Variants in ADAM32 observed in about 807,000 individuals in gnomAD.
ADAM32 encodes the protein ADAM metallopeptidase domain 32.
Under a neutral mutation model 114.9 loss-of-function variants are expected in ADAM32, and 89 were observed. That is an observed-to-expected ratio of 0.77 (90% confidence interval 0.65 to 0.92). ADAM32 has a LOEUF of 0.92. Among genes scored for constraint, ADAM32 ranks in the 40% least tolerant of loss-of-function variants. The pLI is 0.00. For missense variants in ADAM32, 870 were observed against 932.8 expected, an observed-to-expected ratio of 0.93 and a Z score of 0.88; for synonymous variants, 285 against 307.5, an observed-to-expected ratio of 0.93 and a Z score of 0.77.
intron 2 of ADAM32, among the ~76,000 whole-genome samples, chr8:39,128,774 A>G (rs1273243013): frequency 6.6e-6 from 1 of 152,130 alleles, no homozygotes; most frequent in Admixed American, 6.5e-5. Context: ...TCAGTTATGC[A>G]GCTTAGTTTG....
intron 11 of ADAM32, among the ~76,000 whole-genome samples, chr8:39,191,059 C>A (rs1204353545): frequency 6.6e-6 from 1 of 152,158 alleles, no homozygotes; most frequent in Non-Finnish European, 1.5e-5. Flanking sequence ...CCAGCTCCAT[C>A]CATCGTCCTG....
Position 39,236,602 on chromosome 8 carries a change from A to G in ADAM32, c.1818+2520A>G, listed in dbSNP as rs1585611765. On this transcript the variant is annotated intron_variant, in intron 16 of 24. Transcript: ENST00000379907. ...CCTACTCCCCCACAAAACCTGTACC[A>G]CTGTGCATAACCTACATCAGCGTGG... Among the ~76,000 whole-genome samples the G allele has an allele frequency of 2.0e-5, 3 of 152,256 alleles. No homozygotes were observed. In the South Asian group the frequency reaches 6.2e-4, roughly 32 times the overall value.
At chr8:39,109,564 A>T (rs184414449) in intron 1 of ADAM32, among the ~76,000 whole-genome samples, 96 of 152,260 alleles carry the variant, frequency 6.3e-4, no homozygotes, top group Admixed American at 1.6e-3. Flanking sequence ...TAAAATAAAA[A>T]AAAAATATTA....
At chr8:39,252,136 A>T (rs1203864875) in intron 17 of ADAM32, among the ~76,000 whole-genome samples, 1 of 151,792 alleles carries the variant, frequency 6.6e-6, no homozygotes, top group African/African-American at 2.4e-5. Flanking sequence ...GTATAACTTG[A>T]AGTCAGATAA....
intron 16 of ADAM32, among the ~76,000 whole-genome samples, chr8:39,244,726 G>A (rs577769822): frequency 2.8e-4 from 42 of 152,270 alleles, no homozygotes; most frequent in Middle Eastern, 3.4e-3. Flanking sequence ...GGGAGGGATA[G>A]CATTAGGATA....
At chr8:39,261,097 T>A (rs566533753) in intron 19 of ADAM32, among the ~76,000 whole-genome samples, 1 of 152,194 alleles carries the variant, frequency 6.6e-6, no homozygotes, top group Non-Finnish European at 1.5e-5. Context: ...TCCTTCTAGC[T>A]ATTTGAAACT....
chr8:39,185,554 C>T (rs1042241560), intron 10 of ADAM32, among the ~76,000 whole-genome samples: 9 of 152,268 alleles, frequency 5.9e-5, no homozygotes, highest in African/African-American at 1.7e-4. Context: ...CACTTTTTCA[C>T]CATACAGTAT....
intron 10 of ADAM32, among the ~76,000 whole-genome samples, chr8:39,179,000 T>C (rs1284071764): frequency 6.6e-6 from 1 of 152,166 alleles, no homozygotes; most frequent in Non-Finnish European, 1.5e-5. Flanking sequence ...TCAGGAGGAA[T>C]GGGATCATCA....
At chr8:39,126,940 T>A (rs749019711) in intron 2 of ADAM32, among the ~76,000 whole-genome samples, 5 of 152,210 alleles carry the variant, frequency 3.3e-5, no homozygotes, top group Non-Finnish European at 7.3e-5. Flanking sequence ...GTGGTTTTTG[T>A]CTTTAGTTCT....
intron 22 of ADAM32, among the ~76,000 whole-genome samples, chr8:39,277,008 G>A (rs1481614808): frequency 6.6e-6 from 1 of 152,102 alleles, no homozygotes; most frequent in East Asian, 1.9e-4. Flanking sequence ...TCACACAGAG[G>A]CAACCAAACC....
chr8:39,223,635 T>TTC (rs34857184), intron 14 of ADAM32: 146,046 of 152,280 alleles, frequency 0.96, 70,352 homozygotes, highest in East Asian at 1. Context: ...AGTTACCATT[T>TTC]TTTTTTATCC....
chr8:39,179,531 C>T (rs1805722067), intron 10 of ADAM32, among the ~76,000 whole-genome samples: 1 of 152,190 alleles, frequency 6.6e-6, no homozygotes. Flanking sequence ...TGGCTGCTTC[C>T]CTGAGGCTCC....
intron 14 of ADAM32, among the ~76,000 whole-genome samples, chr8:39,227,718 C>T (rs1419842827): frequency 6.6e-6 from 1 of 152,102 alleles, no homozygotes; most frequent in Non-Finnish European, 1.5e-5. Context: ...CCTAGTCCTG[C>T]CCCCACCTGA....
chr8:39,155,659 C>T (rs1287475176), intron 6 of ADAM32, among the ~76,000 whole-genome samples: 2 of 152,160 alleles, frequency 1.3e-5, no homozygotes, highest in African/African-American at 4.8e-5. Flanking sequence ...TTGTGGATCT[C>T]GACTCACTGC....
chr8:39,113,725 T>A (rs867461579), intron 1 of ADAM32, among the ~76,000 whole-genome samples: 155 of 152,228 alleles, frequency 1.0e-3, no homozygotes, highest in African/African-American at 3.6e-3. Context: ...GCTCACTAAA[T>A]ATATAAGCAT....
intron 3 of ADAM32, among the ~76,000 whole-genome samples, chr8:39,143,203 T>C (rs1408081639): frequency 6.6e-6 from 1 of 152,220 alleles, no homozygotes; most frequent in Non-Finnish European, 1.5e-5. Flanking sequence ...TGAAGCCTAC[T>C]TCTGTCAACT....
At chr8:39,206,157 G>C (rs966477912) in intron 11 of ADAM32, among the ~76,000 whole-genome samples, 2 of 152,212 alleles carry the variant, frequency 1.3e-5, no homozygotes, top group Admixed American at 1.3e-4. Flanking sequence ...AGCAGCATCA[G>C]TGGTGTTTAT....
At chr8:39,140,982 A>T (rs1803116485) in intron 3 of ADAM32, among the ~76,000 whole-genome samples, 1 of 152,220 alleles carries the variant, frequency 6.6e-6, no homozygotes, top group Non-Finnish European at 1.5e-5. Context: ...TTATTTGCAT[A>T]GAGGTGTTTA....
At chr8:39,152,720 C>CAAAAAAAAAAAA (rs112877602) in intron 6 of ADAM32, among the ~76,000 whole-genome samples, 3 of 136,856 alleles carry the variant, frequency 2.2e-5, no homozygotes, top group African/African-American at 9.3e-5. Flanking sequence ...GACTCCATCT[C>CAAAAAAAAAAAA]AAAAAAAAAA....
Sources: allele counts gnomAD v4.1 joint callset (sites outside exome capture counted in the v4.1 genomes callset), GRCh38; gene constraint gnomAD v4.1.1; transcripts MANE v1.5; gene names NCBI Gene and HGNC (gene_info 2026-07-23, HGNC 2026-07-21).